The following SLC43A1 variants were observed in gnomAD, a reference collection of about 807,000 sequenced individuals.
SLC43A1 encodes the protein solute carrier family 43 member 1.
Under a neutral mutation model 59.5 loss-of-function variants are expected in SLC43A1, and 31 were observed. The observed-to-expected ratio is 0.52, with a 90% confidence interval of 0.39 to 0.70. SLC43A1 has a LOEUF of 0.70. SLC43A1 is among the 30% of genes least tolerant of loss of function. The pLI is 0.00. For synonymous variants in SLC43A1, 259 were observed against 290.9 expected (o/e 0.89, Z 1.12); for missense variants, 598 against 717.8 (o/e 0.83, Z 1.91).
Position 57,485,101 on chromosome 11 carries a change from C to T in SLC43A1, c.1675G>A (p.Ala559Thr), listed in dbSNP as rs1253845754. 5 of 1,611,666 alleles carry T rather than the reference C, an allele frequency of 3.1e-6. No homozygotes were observed. Among genetic ancestry groups the T allele is most frequent in the Middle Eastern group, 1.7e-4 (1 of 5,998 alleles). Residue 559 changes from alanine (A) to threonine (T), a missense_variant, in exon 15 of 15, where the codon GCA becomes ACA. Ala to Thr is a moderately conservative substitution (Grantham distance 58). Coordinates refer to ENST00000278426, the MANE Select transcript of SLC43A1 (RefSeq NM_003627.6). Reference protein sequence around the residue: ...LKVLSGSEVTA With the variant: ...LKVLSGSEVTT ...GGTCCCTTGGTCTGAGAAGTCTATG[C>T]GGTCACCTCAGAGCCGCTAAGCACC...
chr11:57,507,401 C>T (rs577924689), intron 2 of SLC43A1, among the ~76,000 whole-genome samples: 9 of 152,232 alleles, frequency 5.9e-5, no homozygotes, highest in African/African-American at 1.9e-4. Flanking sequence ...ACCCAGGAGG[C>T]GGAGGTTGCA....
chr11:57,504,036 AC>A (rs1412234475), intron 2 of SLC43A1, among the ~76,000 whole-genome samples: 1 of 151,370 alleles, frequency 6.6e-6, no homozygotes, highest in African/African-American at 2.4e-5. Context: ...TACTAAAAAT[AC>A]AAAAAAAAAA....
intron 2 of SLC43A1, among the ~76,000 whole-genome samples, chr11:57,504,985 C>T (rs1228039920): frequency 6.6e-6 from 1 of 152,168 alleles, no homozygotes; most frequent in Non-Finnish European, 1.5e-5. Flanking sequence ...GAGCTGTGTC[C>T]ATGTTAATGA....
chr11:57,501,028 C>A lies in SLC43A1; in HGVS notation c.348G>T (p.Ala116=). 6.2e-7 allele frequency: 1 copy of A among 1,602,450 alleles called. No homozygotes were observed. The highest frequency in any genetic ancestry group is 8.5e-7 in the Non-Finnish European group (1 of 1,174,368). The change falls in exon 4 of 15, where the codon GCG becomes GCT. Residue 116 remains alanine, a synonymous_variant. Transcript: ENST00000278426. ...VRLVGSACFT[A]SCTLMALASR... ...AGGCCAGGGCCATGAGGGTGCAGGA[C>A]GCAGTGAAGCAGGCACTGTGGAGAC... is the stretch of plus-strand genomic sequence containing the variant.
At position 57,489,312 on chromosome 11, in the gene SLC43A1, A is replaced by C; in HGVS notation, c.1274T>G (p.Leu425Arg). ...KLTNAISAFT[L>R]TNLLLVGFGI... ...AAAACCCACAAGCAGCAGGTTGGTC[A>C]GGGTGAAGGCACTGATGGCATTGGT... Residue 425 changes from leucine to arginine, a missense_variant, in exon 12 of 15, where the codon CTG (leucine) becomes CGG (arginine). Transcript: ENST00000278426. The C allele has an allele frequency of 6.2e-7, 1 of 1,614,222 alleles. No homozygotes were observed.
chr11:57,494,255 C>A (rs1052895124), intron 7 of SLC43A1, 84 bp from the exon 8 acceptor site: 6 of 1,289,478 alleles, frequency 4.7e-6, no homozygotes, highest in Non-Finnish European at 6.4e-6. Context: ...GCCATCCCAG[C>A]GGTTTCCAGC....
chr11:57,494,926 G>A (rs1422518675), intron 7 of SLC43A1, among the ~76,000 whole-genome samples: 2 of 150,836 alleles, frequency 1.3e-5, no homozygotes, highest in Admixed American at 6.6e-5. Context: ...TCGGCTCACC[G>A]CAACCTCAGC....
chr11:57,510,943 T>C (rs1407087121), intron 2 of SLC43A1, among the ~76,000 whole-genome samples: 4 of 151,882 alleles, frequency 2.6e-5, no homozygotes, highest in South Asian at 2.1e-4. Flanking sequence ...GATAGCGCCA[T>C]TGCACTCCAG....
In SLC43A1 at chr11:57,486,498, C is replaced by CAA. The variant is rs757132282; in HGVS notation, c.1533+595_1533+596dup. ...GCAACAGAACAAGACACCTTCTCTA[C>CAA]AAAAAAAAAAAAACAATAGGGCCGG... On this transcript the variant is annotated intron_variant, in intron 14 of 14. Coordinates refer to ENST00000278426, the MANE Select transcript of SLC43A1 (RefSeq NM_003627.6). Among the ~76,000 whole-genome samples the CAA allele has an allele frequency of 1.9e-4, 22 of 114,044 alleles. No homozygotes were observed. In the East Asian group the frequency reaches 2.2e-3, roughly 11 times the overall value. 74.8% of individuals were successfully genotyped at this position (114,044 alleles called of 152,430 possible).
chr11:57,493,378 T>C (rs972957045), intron 8 of SLC43A1, among the ~76,000 whole-genome samples: 1 of 151,948 alleles, frequency 6.6e-6, no homozygotes, highest in African/African-American at 2.4e-5. Context: ...AACTTTACAG[T>C]TTGTGGGGTG....
At chr11:57,490,764 C>G (rs951010915) in intron 11 of SLC43A1, among the ~76,000 whole-genome samples, 12 of 152,184 alleles carry the variant, frequency 7.9e-5, no homozygotes, top group Admixed American at 6.6e-4. Flanking sequence ...AAATGCCAAG[C>G]CTTGGGGTGA....
chr11:57,490,250 A>T, intron 11 of SLC43A1, among the ~76,000 whole-genome samples: 1 of 151,742 alleles, frequency 6.6e-6, no homozygotes, highest in Non-Finnish European at 1.5e-5. Flanking sequence ...CAGAGGTTGC[A>T]GTGAGCTGAG....
chr11:57,508,029 G>A (rs1311031008), intron 2 of SLC43A1, among the ~76,000 whole-genome samples: 4 of 152,246 alleles, frequency 2.6e-5, no homozygotes, highest in African/African-American at 4.8e-5. Context: ...CACTTTGGGA[G>A]GCCAAGGCGG....
In SLC43A1 at chr11:57,486,013, G is replaced by C. The variant is rs541315299; in HGVS notation, c.1534-771C>G. On this transcript the variant is annotated intron_variant, in intron 14 of 14. Coordinates refer to ENST00000278426, the MANE Select transcript of SLC43A1 (RefSeq NM_003627.6). ...TTACTAACAGCAGCAGGGCTGCCTC[G>C]TGCAGGAGTGGGTGCCCTACCACTG... 5.3e-5 allele frequency among the ~76,000 whole-genome samples: 8 copies of C among 152,318 alleles called. No individual in the cohort carries two copies. In the South Asian group the frequency reaches 1.2e-3, roughly 24 times the overall value.
chr11:57,502,320 AC>A (rs1565136967), intron 2 of SLC43A1, among the ~76,000 whole-genome samples: 1 of 152,230 alleles, frequency 6.6e-6, no homozygotes, highest in Non-Finnish European at 1.5e-5. Context: ...GTGCACCTTG[AC>A]CAAGTAACTT....
intron 6 of SLC43A1, 115 bp downstream of exon 6, chr11:57,497,638 T>G: frequency 1.4e-6 from 1 of 698,858 alleles, no homozygotes; most frequent in South Asian, 1.8e-5. Flanking sequence ...ATTGGGATGA[T>G]GACAGAGAAA....
At chr11:57,503,646 G>A (rs995028206) in intron 2 of SLC43A1, among the ~76,000 whole-genome samples, 2 of 152,066 alleles carry the variant, frequency 1.3e-5, no homozygotes, top group East Asian at 3.8e-4. Context: ...ATCTGCATTG[G>A]TTTATTCATT....
chr11:57,485,037 C>T lies in SLC43A1; in HGVS notation c.*59G>A. The T allele has an allele frequency of 5.2e-6, 8 of 1,540,662 alleles. No homozygotes were observed. The highest frequency in any genetic ancestry group is 1.3e-5 in the South Asian group (1 of 79,276). On this transcript the variant is annotated 3_prime_UTR_variant, in exon 15 of 15. Coordinates refer to ENST00000278426, the MANE Select transcript of SLC43A1 (RefSeq NM_003627.6). ...ACAGGTAGAAAAGCCATATGGGGCACTCCTTTTGGTTGCTCAGGCCTTGAT... is the reference window on the plus strand; with the variant it reads ...ACAGGTAGAAAAGCCATATGGGGCATTCCTTTTGGTTGCTCAGGCCTTGAT...
In SLC43A1 at chr11:57,511,618, T is replaced by C. The variant is rs117470645; in HGVS notation, c.154+2340A>G. Among the ~76,000 whole-genome samples, 799 of 152,210 alleles carry C rather than the reference T, an allele frequency of 5.2e-3. 2 individuals carry two copies. Among genetic ancestry groups the C allele is most frequent in the Non-Finnish European group, 7.4e-3 (501 of 68,004 alleles). On this transcript the variant is annotated intron_variant, in intron 2 of 14. Transcript: ENST00000278426. ...CCACACCCAGCCAGACCATTATTCA[T>C]AATAGCCAAAATGTGAAAACAACCC...
Sources: gnomAD v4.1 joint callset for allele counts (sites outside exome capture counted in the v4.1 genomes callset) on GRCh38, gnomAD v4.1.1 for gene constraint, MANE v1.5 for transcripts, NCBI Gene and HGNC (gene_info 2026-07-23, HGNC 2026-07-21) for gene names.